Variants in BAZ2B observed in about 807,000 individuals in gnomAD.
BAZ2B encodes the protein bromodomain adjacent to zinc finger domain 2B.
BAZ2B carries 91 observed loss-of-function variants against 246.0 expected under a neutral mutation model. The ratio of observed to expected loss-of-function variants is 0.37; its 90% CI spans 0.31 to 0.44. The LOEUF (loss-of-function observed/expected upper bound fraction) is 0.44. Ranked by LOEUF, BAZ2B falls within the 20% of genes least tolerant of loss-of-function variation. The pLI is 1.00. For missense variants in BAZ2B, 2,332 were observed against 2,533.7 expected (o/e 0.92, Z 1.71); for synonymous variants, 855 against 860.0 (o/e 0.99, Z 0.10).
intron 32 of BAZ2B, among the ~76,000 whole-genome samples, 173 bp from the exon 33 acceptor site, chr2:159,337,250 A>G (rs1279248670): frequency 1.3e-5 from 2 of 152,240 alleles, no homozygotes; most frequent in African/African-American, 2.4e-5. Context: ...TACGTGCCTC[A>G]AAGCTTAGTC....
At chr2:159,438,114 T>G in intron 8 of BAZ2B, 189 bp downstream of exon 8, 1 of 578,860 alleles carries the variant, frequency 1.7e-6, no homozygotes. Flanking sequence ...AAAAATACAT[T>G]AAACAGATAC....
At chr2:159,411,916 G>C (rs2066896975) in intron 14 of BAZ2B, 3 of 984,072 alleles carry the variant, frequency 3.0e-6, no homozygotes, top group Admixed American at 6.2e-5. Context: ...CCAGTAATTG[G>C]AGTTCTCTGA....
intron 1 of BAZ2B, among the ~76,000 whole-genome samples, chr2:159,606,028 C>A (rs1486173490): frequency 6.6e-6 from 1 of 152,280 alleles, no homozygotes; most frequent in East Asian, 1.9e-4. Flanking sequence ...ACTTTTACTT[C>A]AAATCCCCAA....
chr2:159,474,191 T>C (rs973718336), intron 3 of BAZ2B, among the ~76,000 whole-genome samples: 6 of 152,226 alleles, frequency 3.9e-5, no homozygotes, highest in Admixed American at 3.3e-4. Context: ...TGTGGGAGTC[T>C]AATTCTCTTT....
chr2:159,340,972 C>T (rs1489111990), intron 31 of BAZ2B, among the ~76,000 whole-genome samples: 1 of 151,900 alleles, frequency 6.6e-6, no homozygotes, highest in Admixed American at 6.6e-5. Flanking sequence ...AAGGATTATA[C>T]AAAACAAGAG....
chr2:159,600,380 T>C (rs1189005253), intron 1 of BAZ2B, among the ~76,000 whole-genome samples: 1 of 152,168 alleles, frequency 6.6e-6, no homozygotes, highest in Non-Finnish European at 1.5e-5. Flanking sequence ...GAATATATGA[T>C]TATCCATAAA....
chr2:159,702,136 C>A, the BAZ2B span, among the ~76,000 whole-genome samples: 1 of 152,156 alleles, frequency 6.6e-6, no homozygotes, highest in Non-Finnish European at 1.5e-5. Context: ...ACATTTGGTT[C>A]TGCTAACAAA....
chr2:159,422,820 GGTGCAATATCT>G (rs2069004329), intron 13 of BAZ2B, among the ~76,000 whole-genome samples: 1 of 151,902 alleles, frequency 6.6e-6, no homozygotes, highest in East Asian at 1.9e-4. Flanking sequence ...ATCTGACAAA[GGTGCAATATCT>G]AGACTCTGTA....
intron 2 of BAZ2B, among the ~76,000 whole-genome samples, chr2:159,501,712 C>G (rs1559631515): frequency 6.6e-6 from 1 of 152,056 alleles, no homozygotes; most frequent in Non-Finnish European, 1.5e-5. Context: ...TCTAAATATT[C>G]TACTTCAAAT....
intron 27 of BAZ2B, among the ~76,000 whole-genome samples, chr2:159,354,629 G>GT (rs773795903): frequency 8.4e-4 from 128 of 152,228 alleles, no homozygotes; most frequent in Non-Finnish European, 1.3e-3. Context: ...GGGATTACAG[G>GT]TGTGAGCCAC....
At chr2:159,443,343 G>A (rs1037337475) in intron 6 of BAZ2B, among the ~76,000 whole-genome samples, 6 of 152,014 alleles carry the variant, frequency 3.9e-5, no homozygotes, top group Non-Finnish European at 5.9e-5. Context: ...TATTCTAAAT[G>A]TATATGCAGA....
intron 3 of BAZ2B, among the ~76,000 whole-genome samples, chr2:159,466,252 A>G (rs1577365908): frequency 6.6e-6 from 1 of 152,332 alleles, no homozygotes; most frequent in East Asian, 1.9e-4. Context: ...CCCAACTAAA[A>G]TCTGCATAGT....
At chr2:159,646,977 G>A in the BAZ2B span, among the ~76,000 whole-genome samples, 2 of 151,990 alleles carry the variant, frequency 1.3e-5, no homozygotes, top group Non-Finnish European at 2.9e-5. Context: ...CTGCTCTGCT[G>A]TTTTCCCTCT....
At chr2:159,583,201 G>A (rs1164100381) in intron 1 of BAZ2B, among the ~76,000 whole-genome samples, 1 of 149,676 alleles carries the variant, frequency 6.7e-6, no homozygotes, top group Admixed American at 6.7e-5. Flanking sequence ...TGCAACCTCT[G>A]CCTCCCAGGT....
At chr2:159,706,834 G>T in the BAZ2B span, among the ~76,000 whole-genome samples, 1,959 of 152,306 alleles carry the variant, frequency 0.013, 53 homozygotes, top group African/African-American at 0.044. Context: ...GTATTTTGTA[G>T]AAGTGGTTAA....
chr2:159,368,676 C>A (rs1026503572), intron 27 of BAZ2B, among the ~76,000 whole-genome samples: 10 of 152,090 alleles, frequency 6.6e-5, no homozygotes, highest in African/African-American at 1.9e-4. Context: ...TTATATATCA[C>A]TTTGCAGTTG....
At chr2:159,597,966 G>C (rs1453268101) in intron 1 of BAZ2B, among the ~76,000 whole-genome samples, 1 of 150,366 alleles carries the variant, frequency 6.7e-6, no homozygotes, top group African/African-American at 2.4e-5. Context: ...ATTTCCCAGA[G>C]TGCCTCAATA....
chr2:159,667,061 G>A, the BAZ2B span, among the ~76,000 whole-genome samples: 60,497 of 150,012 alleles, frequency 0.4, 12,652 homozygotes, highest in African/African-American at 0.5. Flanking sequence ...AAACCTGCAC[G>A]TTCTGCATAT....
chr2:159,667,827 C>G, the BAZ2B span, among the ~76,000 whole-genome samples: 1 of 151,894 alleles, frequency 6.6e-6, no homozygotes, highest in African/African-American at 2.4e-5. Flanking sequence ...ATAGGTTCTC[C>G]AATTTTATCA....
Sources: allele counts gnomAD v4.1 joint callset (sites outside exome capture counted in the v4.1 genomes callset), GRCh38; gene constraint gnomAD v4.1.1; transcripts MANE v1.5; gene names NCBI Gene and HGNC (gene_info 2026-07-23, HGNC 2026-07-21).